Variants in WWOX observed in about 807,000 individuals in gnomAD.
The protein encoded by WWOX is WW domain containing oxidoreductase.
In WWOX, 69 loss-of-function variants were observed where a neutral mutation model predicts 46.2. That is an observed-to-expected ratio of 1.49 (90% CI 1.23 to 1.82). The LOEUF (loss-of-function observed/expected upper bound fraction) is 1.82, where lower values mean the gene tolerates loss of function less well. Ranked by LOEUF, WWOX falls within the 40% of genes most tolerant of loss-of-function variation. WWOX has a pLI of 0.00. For missense variants in WWOX, 919 were observed against 542.6 expected (o/e 1.69, Z -6.89); for synonymous variants, 359 against 202.6 (o/e 1.77, Z -6.56).
intron 5 of WWOX, among the ~76,000 whole-genome samples, chr16:78,219,979 A>C (rs765449635): frequency 6.6e-6 from 1 of 152,196 alleles, no homozygotes; most frequent in Non-Finnish European, 1.5e-5. Context: ...TACTCTTTTA[A>C]AGTGTCTCCT....
chr16:78,864,230 C>G (rs1328228639), intron 8 of WWOX, among the ~76,000 whole-genome samples: 1 of 151,584 alleles, frequency 6.6e-6, no homozygotes, highest in African/African-American at 2.4e-5. Flanking sequence ...TGTTGGATAT[C>G]TGAAGATAAT....
chr16:79,171,481 C>G (rs2050698154), intron 8 of WWOX, among the ~76,000 whole-genome samples: 1 of 152,130 alleles, frequency 6.6e-6, no homozygotes, highest in South Asian at 2.1e-4. Context: ...TCTTTCACAT[C>G]AGTTTGCTAC....
At chr16:78,344,714 T>C (rs2081066256) in intron 5 of WWOX, among the ~76,000 whole-genome samples, 1 of 122,136 alleles carries the variant, frequency 8.2e-6, no homozygotes, top group Non-Finnish European at 2.0e-5. Flanking sequence ...AGGAATTGAC[T>C]GAAAAGAATT....
chr16:79,143,622 A>G (rs1455280340), intron 8 of WWOX, among the ~76,000 whole-genome samples: 1 of 152,228 alleles, frequency 6.6e-6, no homozygotes, highest in African/African-American at 2.4e-5. Flanking sequence ...AATATTGACA[A>G]TAAATAGAGT....
At chr16:78,804,930 A>T (rs1290127952) in intron 8 of WWOX, among the ~76,000 whole-genome samples, 1 of 152,252 alleles carries the variant, frequency 6.6e-6, no homozygotes, top group African/African-American at 2.4e-5. Flanking sequence ...ACAATTCCTG[A>T]AAGATTGAAA....
intron 8 of WWOX, among the ~76,000 whole-genome samples, chr16:79,127,512 A>G (rs1029593386): frequency 5.3e-5 from 8 of 152,282 alleles, no homozygotes; most frequent in South Asian, 2.1e-4. Context: ...CCAATTCCCT[A>G]TTGATAGACA....
chr16:78,374,999 T>G (rs2081786563), intron 5 of WWOX, among the ~76,000 whole-genome samples: 1 of 152,174 alleles, frequency 6.6e-6, no homozygotes, highest in Admixed American at 6.5e-5. Flanking sequence ...TTTTCTGTCT[T>G]TACTGGTATT....
chr16:79,092,970 G>A (rs141344330), intron 8 of WWOX, among the ~76,000 whole-genome samples: 32 of 152,140 alleles, frequency 2.1e-4, no homozygotes, highest in African/African-American at 5.1e-4. Flanking sequence ...AGTTAGGTTG[G>A]AGCAAAAGTA....
intron 8 of WWOX, among the ~76,000 whole-genome samples, chr16:79,057,773 G>A (rs74034331): frequency 0.044 from 6,729 of 152,064 alleles, 519 homozygotes; most frequent in African/African-American, 0.15. Context: ...AGAAAGACCC[G>A]GACTCGAATC....
intron 8 of WWOX, among the ~76,000 whole-genome samples, chr16:79,034,874 T>C (rs1306933869): frequency 2.0e-5 from 3 of 152,194 alleles, no homozygotes; most frequent in African/African-American, 7.2e-5. Context: ...AAATTATTAC[T>C]TTAAAAATAA....
chr16:79,023,045 GA>G (rs1008528351), intron 8 of WWOX, among the ~76,000 whole-genome samples: 1 of 147,244 alleles, frequency 6.8e-6, no homozygotes, highest in African/African-American at 2.6e-5. Context: ...TTGGCTTATT[GA>G]AAAAACAAAA....
At position 78,446,657 on chromosome 16, in the gene WWOX, CTT is replaced by C. The variant is rs5818138; in HGVS notation, c.1056+13928_1056+13929del. On this transcript the variant is annotated intron_variant, in intron 8 of 8. Coordinates refer to ENST00000566780, the MANE Select transcript of WWOX (RefSeq NM_016373.4). ...CATCGAGTATAGTACCAAGTGTATA[CTT>C]TTTTTTTTTTTTTTTTTTTTTTGAG... Among the ~76,000 whole-genome samples the C allele has an allele frequency of 6.6e-3, 580 of 87,996 alleles. 1 individual carries two copies. Among genetic ancestry groups the C allele is most frequent in the Non-Finnish European group, 0.011 (491 of 46,442 alleles). 57.7% of individuals were successfully genotyped at this position (87,996 alleles called of 152,430 possible). A position where few individuals can be genotyped will look rare whatever the true frequency, so the allele number is the denominator to read the frequency against.
chr16:78,174,998 G>GTAGTAATAA (rs1555548216), intron 5 of WWOX, among the ~76,000 whole-genome samples: 3 of 140,870 alleles, frequency 2.1e-5, no homozygotes, highest in South Asian at 2.3e-4. Context: ...AAAAATAATA[G>GTAGTAATAA]TAATAATAAT....
At chr16:78,590,936 C>T (rs565343686) in intron 8 of WWOX, among the ~76,000 whole-genome samples, 4 of 152,206 alleles carry the variant, frequency 2.6e-5, no homozygotes, top group Admixed American at 6.5e-5. Flanking sequence ...TTTCTGCACA[C>T]GTATGGAGGA....
In WWOX at chr16:78,633,575, G is replaced by A. The variant is rs117881106; in HGVS notation, c.1056+200823G>A. Among the ~76,000 whole-genome samples the A allele has an allele frequency of 5.5e-3, 837 of 152,324 alleles. 6 individuals carry two copies. Among genetic ancestry groups the A allele is most frequent in the Non-Finnish European group, 8.8e-3 (600 of 68,038 alleles). On this transcript the variant is annotated intron_variant, in intron 8 of 8. Coordinates refer to ENST00000566780, the MANE Select transcript of WWOX (RefSeq NM_016373.4). Reference sequence around the variant, plus strand: ...CACTGTGCGGGTTTCTGATGAGTACGCTGGCAGGCCTCTGGCTTCAGAGAT... The same window carrying A: ...CACTGTGCGGGTTTCTGATGAGTACACTGGCAGGCCTCTGGCTTCAGAGAT...
At chr16:78,721,210 C>T (rs1329200722) in intron 8 of WWOX, among the ~76,000 whole-genome samples, 3 of 151,748 alleles carry the variant, frequency 2.0e-5, no homozygotes, top group Admixed American at 6.6e-5. Flanking sequence ...ATACTTTCTA[C>T]AGTATCTTTA....
intron 5 of WWOX, among the ~76,000 whole-genome samples, chr16:78,205,577 C>A (rs529526340): frequency 6.6e-6 from 1 of 151,968 alleles, no homozygotes; most frequent in African/African-American, 2.4e-5. Context: ...ATCCACCCAC[C>A]CTTCCACTCA....
intron 8 of WWOX, among the ~76,000 whole-genome samples, chr16:78,991,302 T>C (rs965817947): frequency 6.6e-6 from 1 of 152,056 alleles, no homozygotes; most frequent in African/African-American, 2.4e-5. Flanking sequence ...CCATGTTAAA[T>C]CCAGGTCCCA....
chr16:79,138,021 C>G (rs1408778994), intron 8 of WWOX, among the ~76,000 whole-genome samples: 1 of 152,072 alleles, frequency 6.6e-6, no homozygotes, highest in African/African-American at 2.4e-5. Context: ...AATGTTTTAC[C>G]CAAACTGTTT....
Sources: gnomAD v4.1 joint callset for allele counts (sites outside exome capture counted in the v4.1 genomes callset) on GRCh38, gnomAD v4.1.1 for gene constraint, MANE v1.5 for transcripts, NCBI Gene and HGNC (gene_info 2026-07-23, HGNC 2026-07-21) for gene names.